PDE8B: variants seen among roughly 807,000 people sequenced by gnomAD.
The protein encoded by PDE8B is high affinity cAMP-specific and IBMX-insensitive 3',5'-cyclic phosphodiesterase 8B.
In PDE8B, 26 loss-of-function variants were observed where a neutral mutation model predicts 101.3. The ratio of observed to expected loss-of-function variants is 0.26; its 90% CI spans 0.19 to 0.36. PDE8B has a LOEUF of 0.36. Among genes scored for constraint, PDE8B ranks in the 10% least tolerant of loss-of-function variants. The pLI, the probability that PDE8B is intolerant of heterozygous loss-of-function variation, is 1.00. For synonymous variants in PDE8B, 424 were observed against 429.3 expected (o/e 0.99, Z 0.15); for missense variants, 810 against 1,163.1 (o/e 0.70, Z 4.42).
chr5:77,295,579 G>A (rs1394230152), intron 1 of PDE8B, among the ~76,000 whole-genome samples: 2 of 152,154 alleles, frequency 1.3e-5, no homozygotes, highest in Non-Finnish European at 1.5e-5. Context: ...ACACACCAAT[G>A]CACCTGTAGC....
At chr5:77,198,425 A>T in the PDE8B span, among the ~76,000 whole-genome samples, 2 of 152,124 alleles carry the variant, frequency 1.3e-5, no homozygotes, top group African/African-American at 4.8e-5. Flanking sequence ...TGTTTCTTTC[A>T]TAAGTATTTC....
intron 1 of PDE8B, among the ~76,000 whole-genome samples, chr5:77,301,160 C>G (rs567340362): frequency 3.6e-4 from 55 of 152,248 alleles, no homozygotes; most frequent in South Asian, 1.5e-3. Context: ...GCTAAAAATC[C>G]AGGTGCTTCA....
chr5:77,407,284 G>C, intron 12 of PDE8B, 97 bp from the exon 13 acceptor site: 1 of 894,560 alleles, frequency 1.1e-6, no homozygotes, highest in Non-Finnish European at 1.9e-6. Flanking sequence ...GGGTGGCCCT[G>C]TGAGAAGCGG....
intron 20 of PDE8B, among the ~76,000 whole-genome samples, chr5:77,424,884 G>A (rs1797662884): frequency 6.6e-6 from 1 of 151,288 alleles, no homozygotes; most frequent in South Asian, 2.1e-4. Flanking sequence ...GGAGTGCAGT[G>A]GCAGTCCTGG....
In PDE8B at chr5:77,304,711, G is replaced by A. The variant is rs1476327926; in HGVS notation, c.340-7283G>A. Among the ~76,000 whole-genome samples the A allele has an allele frequency of 2.6e-5, 4 of 152,180 alleles. No homozygotes were observed. In the East Asian group the frequency reaches 5.8e-4, roughly 22 times the overall value. On this transcript the variant is annotated intron_variant, in intron 1 of 21. Coordinates refer to ENST00000264917, the MANE Select transcript of PDE8B (RefSeq NM_003719.5). ...ATATGTCACTGGCTGTGAGTATCTT[G>A]TAACCATGAGTAATCGTCCATCTAT... is the stretch of plus-strand genomic sequence containing the variant.
intron 1 of PDE8B, among the ~76,000 whole-genome samples, chr5:77,280,098 G>A (rs1489200213): frequency 6.6e-6 from 1 of 152,224 alleles, no homozygotes; most frequent in Non-Finnish European, 1.5e-5. Context: ...GCCTCATTAA[G>A]CAGGAAAGTA....
intron 1 of PDE8B, among the ~76,000 whole-genome samples, chr5:77,261,190 A>G (rs1760505383): frequency 6.6e-6 from 1 of 152,356 alleles, no homozygotes; most frequent in Middle Eastern, 3.4e-3. Context: ...AGAATTCTCT[A>G]GAGGAGGTAG....
chr5:77,204,946 A>T, the PDE8B span, among the ~76,000 whole-genome samples: 5 of 152,198 alleles, frequency 3.3e-5, no homozygotes, highest in African/African-American at 1.2e-4. Context: ...TTTATGTCTG[A>T]TGCTTTTGTG....
At chr5:77,280,739 CA>C (rs1027858845) in intron 1 of PDE8B, among the ~76,000 whole-genome samples, 2 of 151,792 alleles carry the variant, frequency 1.3e-5, no homozygotes, top group Non-Finnish European at 2.9e-5. Context: ...ACTGAAAATA[CA>C]AAAAAAATTA....
chr5:77,201,300 A>C, the PDE8B span, among the ~76,000 whole-genome samples: 1 of 152,240 alleles, frequency 6.6e-6, no homozygotes, highest in Non-Finnish European at 1.5e-5. Flanking sequence ...GTTTGTCAGT[A>C]AAGAGGACCT....
chr5:77,423,828 G>A (rs1278832494), intron 20 of PDE8B, among the ~76,000 whole-genome samples: 1 of 151,430 alleles, frequency 6.6e-6, no homozygotes, highest in Non-Finnish European at 1.5e-5. Context: ...GTAGAGATGG[G>A]GTTTCCCTGT....
intron 1 of PDE8B, among the ~76,000 whole-genome samples, chr5:77,217,223 C>CA (rs1359170379): frequency 6.6e-6 from 1 of 152,102 alleles, no homozygotes; most frequent in African/African-American, 2.4e-5. Context: ...ATCCTGAACT[C>CA]AAAGCCCAAG....
chr5:77,305,472 G>A (rs1770989365), intron 1 of PDE8B, among the ~76,000 whole-genome samples: 1 of 152,182 alleles, frequency 6.6e-6, no homozygotes, highest in Admixed American at 6.5e-5. Context: ...ACTGAGAGGG[G>A]ACAGAAGGAA....
At position 77,350,969 on chromosome 5, in the gene PDE8B, A is replaced by G. The variant is rs1781000030; in HGVS notation, c.1018-96A>G. The stretch of plus-strand genomic sequence containing the variant: ...AGGCATTGGGAAATGTAACGAGAGC[A>G]TGTGGGAATGTTCCTTCTCAGCCTT... On this transcript the variant is annotated intron_variant, in intron 8 of 21. Transcript: ENST00000264917. 3.5e-6 allele frequency: 3 copies of G among 848,602 alleles called. No homozygotes were observed. The South Asian group carries it at 4.1e-5, about 12-fold the overall frequency. 52.6% of individuals were successfully genotyped at this position (848,602 alleles called of 1,614,324 possible).
the PDE8B span, chr5:77,151,988 C>G: frequency 6.6e-6 from 1 of 152,180 alleles, no homozygotes; most frequent in Non-Finnish European, 1.5e-5. Flanking sequence ...TTCAGATGGG[C>G]ATAAGCACTG....
intron 10 of PDE8B, among the ~76,000 whole-genome samples, chr5:77,364,526 C>A (rs1783752177): frequency 6.6e-6 from 1 of 152,096 alleles, no homozygotes; most frequent in African/African-American, 2.4e-5. Context: ...CGCTTCTCAC[C>A]CTGGTTTGCT....
the PDE8B span, among the ~76,000 whole-genome samples, chr5:77,132,655 G>A: frequency 6.6e-6 from 1 of 152,162 alleles, no homozygotes; most frequent in East Asian, 1.9e-4. Context: ...GACTAGTCTT[G>A]CTGTCTTCTG....
At chr5:77,138,078 C>G in the PDE8B span, among the ~76,000 whole-genome samples, 3 of 152,150 alleles carry the variant, frequency 2.0e-5, no homozygotes, top group Admixed American at 2.0e-4. Flanking sequence ...CTTGGACTTC[C>G]CATGATAATA....
chr5:77,366,083 T>C (rs1029564346), intron 10 of PDE8B, among the ~76,000 whole-genome samples: 2 of 152,220 alleles, frequency 1.3e-5, no homozygotes, highest in Non-Finnish European at 1.5e-5. Flanking sequence ...TTTTTTGTTT[T>C]TGTTTTTTTC....
Sources: gnomAD v4.1 joint callset for allele counts (sites outside exome capture counted in the v4.1 genomes callset) on GRCh38, gnomAD v4.1.1 for gene constraint, MANE v1.5 for transcripts, NCBI Gene and HGNC (gene_info 2026-07-23, HGNC 2026-07-21) for gene names.